The following TRIO variants were observed in gnomAD, a reference collection of about 807,000 sequenced individuals.
TRIO encodes the protein trio Rho guanine nucleotide exchange factor.
A neutral mutation model predicts 351.9 loss-of-function variants in TRIO; 58 were observed. The observed-to-expected ratio is 0.16, with a 90% CI of 0.13 to 0.21. The LOEUF is 0.21. Among genes scored for constraint, TRIO ranks in the 10% least tolerant of loss-of-function variants. The pLI is 1.00. For synonymous variants in TRIO, 1,758 were observed against 1,595.7 expected (o/e 1.10, Z -2.42); for missense variants, 3,201 against 4,027.8 (o/e 0.79, Z 5.56).
chr5:14,417,866 G>C (rs777051985), intron 33 of TRIO, among the ~76,000 whole-genome samples: 1 of 152,134 alleles, frequency 6.6e-6, no homozygotes, highest in East Asian at 1.9e-4. Context: ...AGCTGGATGC[G>C]GAGCACAGTG....
chr5:14,179,498 G>A (rs1308279106), intron 1 of TRIO, among the ~76,000 whole-genome samples: 1 of 139,804 alleles, frequency 7.2e-6, no homozygotes, highest in African/African-American at 2.7e-5. Context: ...GTCTCACTCT[G>A]TTGCCCAATT....
chr5:14,226,110 C>T (rs1042053380), intron 1 of TRIO, among the ~76,000 whole-genome samples: 1 of 152,130 alleles, frequency 6.6e-6, no homozygotes, highest in African/African-American at 2.4e-5. Flanking sequence ...GGAGCTCACA[C>T]AGGAGAGGCA....
chr5:14,457,527 A>T (rs1055407555), intron 34 of TRIO, among the ~76,000 whole-genome samples: 6 of 152,090 alleles, frequency 3.9e-5, no homozygotes, highest in African/African-American at 1.4e-4. Context: ...CTGAGCCCAC[A>T]GAGAGAAGCT....
At chr5:14,494,250 A>T (rs1756710700) in intron 49 of TRIO, among the ~76,000 whole-genome samples, 1 of 152,154 alleles carries the variant, frequency 6.6e-6, no homozygotes, top group Non-Finnish European at 1.5e-5. Context: ...TATTTTACTG[A>T]ATTTGATGGC....
chr5:14,405,508 C>T (rs1183481265), intron 31 of TRIO, among the ~76,000 whole-genome samples: 13 of 152,132 alleles, frequency 8.5e-5, no homozygotes, highest in Admixed American at 8.5e-4. Context: ...GTGTTTGCCT[C>T]AATAGCCTCA....
At chr5:14,198,452 C>A (rs1437976228) in intron 1 of TRIO, among the ~76,000 whole-genome samples, 1 of 152,158 alleles carries the variant, frequency 6.6e-6, no homozygotes, top group Non-Finnish European at 1.5e-5. Context: ...TCTGGTCCAA[C>A]CTTTTCATTT....
At chr5:14,446,104 G>A (rs892153888) in intron 34 of TRIO, among the ~76,000 whole-genome samples, 1 of 152,136 alleles carries the variant, frequency 6.6e-6, no homozygotes, top group African/African-American at 2.4e-5. Context: ...CCATCTCCGC[G>A]CTTGCTTTGT....
In TRIO at chr5:14,464,517, G is replaced by C. The variant is rs184276812; in HGVS notation, c.5668-1028G>C. ...TAAACTTTCACTGCAGCATTATGTT[G>C]ATTTGTGTTCTGTGTCTGTTTTGGC... On this transcript the variant is annotated intron_variant, in intron 36 of 56. Coordinates refer to ENST00000344204, the MANE Select transcript of TRIO (RefSeq NM_007118.4). Among the ~76,000 whole-genome samples, 13 of 152,192 alleles carry C rather than the reference G, an allele frequency of 8.5e-5. No homozygotes were observed. In the South Asian group the frequency reaches 2.5e-3, roughly 29 times the overall value.
At chr5:14,261,893 A>G (rs1278234709) in intron 1 of TRIO, among the ~76,000 whole-genome samples, 1 of 152,246 alleles carries the variant, frequency 6.6e-6, no homozygotes, top group Non-Finnish European at 1.5e-5. Flanking sequence ...GATTTTATGT[A>G]CTAATCAGTC....
chr5:14,409,821 C>A (rs1238007042), intron 33 of TRIO, among the ~76,000 whole-genome samples: 7 of 135,394 alleles, frequency 5.2e-5, no homozygotes, highest in Non-Finnish European at 9.2e-5. Flanking sequence ...GGCGACAGAG[C>A]GAGACTCCAT....
chr5:14,415,953 T>G (rs1378912064), intron 33 of TRIO, among the ~76,000 whole-genome samples: 1 of 151,810 alleles, frequency 6.6e-6, no homozygotes, highest in African/African-American at 2.4e-5. Context: ...TTAATGTGAG[T>G]CATGGAAAGT....
chr5:14,476,521 G>A (rs189887814), intron 40 of TRIO, among the ~76,000 whole-genome samples: 2 of 152,330 alleles, frequency 1.3e-5, no homozygotes, highest in Non-Finnish European at 2.9e-5. Flanking sequence ...GCCAGGCACG[G>A]TGGCTCACGC....
intron 34 of TRIO, among the ~76,000 whole-genome samples, chr5:14,433,898 T>C (rs181854283): frequency 3.3e-5 from 5 of 152,354 alleles, no homozygotes; most frequent in East Asian, 1.9e-4. Context: ...TCAAAAAGCA[T>C]CATAATTTCA....
intron 1 of TRIO, among the ~76,000 whole-genome samples, chr5:14,225,798 C>T (rs1034785584): frequency 1.5e-5 from 2 of 134,304 alleles, no homozygotes; most frequent in Admixed American, 7.1e-5. Context: ...TCCCACCCCC[C>T]CCCCCACCTC....
Position 14,241,578 on chromosome 5 carries a change from A to G in TRIO, c.158-29247A>G, listed in dbSNP as rs115244580. 1.9e-3 allele frequency among the ~76,000 whole-genome samples: 295 copies of G among 152,336 alleles called. 1 individual carries two copies. The Middle Eastern group carries it at 0.027, about 14-fold the overall frequency. The stretch of plus-strand genomic sequence containing the variant: ...ATTTAATTGAAACTTGATTCCTACT[A>G]TAGGCTAAATTTTATATTGTTGTGG... On this transcript the variant is annotated intron_variant, in intron 1 of 56. Transcript: ENST00000344204.
intron 34 of TRIO, among the ~76,000 whole-genome samples, chr5:14,443,541 CCCATGA>C (rs1752224112): frequency 1.3e-5 from 2 of 152,178 alleles, no homozygotes; most frequent in Non-Finnish European, 2.9e-5. Flanking sequence ...CTTTACAGTG[CCCATGA>C]AATCACTGAG....
intron 1 of TRIO, among the ~76,000 whole-genome samples, chr5:14,172,088 CTCTT>C (rs544425989): frequency 5.3e-5 from 8 of 152,324 alleles, no homozygotes; most frequent in East Asian, 1.9e-4. Flanking sequence ...TCTGTTCTCT[CTCTT>C]TCTATCTTTT....
intron 11 of TRIO, among the ~76,000 whole-genome samples, chr5:14,357,350 A>G (rs1743710875): frequency 6.6e-6 from 1 of 152,238 alleles, no homozygotes; most frequent in Non-Finnish European, 1.5e-5. Context: ...ACAAGCCACC[A>G]GGGCCCATTT....
At chr5:14,297,320 T>G in intron 7 of TRIO, 57 bp downstream of exon 7, 1 of 1,539,714 alleles carries the variant, frequency 6.5e-7, no homozygotes, top group Non-Finnish European at 8.8e-7. Context: ...TCTTCCTCCA[T>G]GAATATTGGT....
Sources: allele counts gnomAD v4.1 joint callset (sites outside exome capture counted in the v4.1 genomes callset), GRCh38; gene constraint gnomAD v4.1.1; transcripts MANE v1.5; gene names NCBI Gene and HGNC (gene_info 2026-07-23, HGNC 2026-07-21).